ERN2: variants seen among roughly 807,000 people sequenced by gnomAD.
ERN2 encodes serine/threonine-protein kinase/endoribonuclease IRE2.
A neutral mutation model predicts 107.9 loss-of-function variants in ERN2; 111 were observed. That is an observed-to-expected ratio of 1.03 (90% CI 0.88 to 1.20). The LOEUF is 1.20. Ranked by LOEUF, ERN2 falls within the 50% of genes most tolerant of loss-of-function variation. The pLI, the probability that ERN2 is intolerant of heterozygous loss-of-function variation, is 0.00. For missense variants in ERN2, 1,225 were observed against 1,197.9 expected (o/e 1.02, Z -0.33); for synonymous variants, 524 against 501.7 (o/e 1.04, Z -0.59).
In ERN2 at chr16:23,694,843, C is replaced by T; in HGVS notation, c.1985G>A (p.Gly662Asp). The change falls in exon 17 of 22, where the codon GGC (glycine) becomes GAC (aspartate). Residue 662 changes from glycine to aspartate, a missense_variant. Gly to Asp is a moderately conservative substitution (Grantham distance 94, BLOSUM62 -1). Transcript: ENST00000256797. ...GCCAGCAGGCAGCTTCTTGCAGAGGCCGAAGTCTGAGAGCACCACTCTGCC... is the reference window on the plus strand; with the variant it reads ...GCCAGCAGGCAGCTTCTTGCAGAGGTCGAAGTCTGAGAGCACCACTCTGCC... ...GLGRVVLSDFGLCKKLPAGRC... is the reference protein window; with the variant it reads ...GLGRVVLSDFDLCKKLPAGRC... The T allele has an allele frequency of 6.2e-7, 1 of 1,614,146 alleles. No individual in the cohort carries two copies. Among genetic ancestry groups the T allele is most frequent in the East Asian group, 2.2e-5 (1 of 44,882 alleles).
chr16:23,699,165 C>G (rs1045637128), intron 13 of ERN2, among the ~76,000 whole-genome samples: 1 of 152,126 alleles, frequency 6.6e-6, no homozygotes, highest in Non-Finnish European at 1.5e-5. Flanking sequence ...GCAGGGCCCT[C>G]TAAAAGAGCT....
intron 17 of ERN2, 34 bp from the exon 18 acceptor site, chr16:23,692,365 C>T: frequency 1.9e-6 from 3 of 1,605,058 alleles, no homozygotes; most frequent in Non-Finnish European, 2.5e-6. Flanking sequence ...AGAAGGAAAT[C>T]TCTGCTTCCA....
At chr16:23,698,415 C>G (rs1278219526) in intron 13 of ERN2, among the ~76,000 whole-genome samples, 1 of 152,182 alleles carries the variant, frequency 6.6e-6, no homozygotes, top group Non-Finnish European at 1.5e-5. Flanking sequence ...AGAACACTGC[C>G]TGGTATAGCC....
rs116672391 is a variant in ERN2 at position 23,699,191 on chromosome 16, G to A, written c.1525+1348C>T. 1.3e-3 allele frequency among the ~76,000 whole-genome samples: 193 copies of A among 152,262 alleles called. 2 individuals carry two copies. Among genetic ancestry groups the A allele is most frequent in the African/African-American group, 3.4e-3 (143 of 41,536 alleles). ...TAAAAGAGCTGACCCCTGAGGAAGG[G>A]GAGCTGTTTTCCTCTGGGCTAAGGC... On this transcript the variant is annotated intron_variant, in intron 13 of 21. Coordinates refer to ENST00000256797, the MANE Select transcript of ERN2 (RefSeq NM_033266.4).
At chr16:23,694,650 G>A in intron 17 of ERN2, 78 bp downstream of exon 17, 1 of 1,249,124 alleles carries the variant, frequency 8.0e-7, no homozygotes, top group East Asian at 2.5e-5. Context: ...AGTCTCCTCA[G>A]GAGGGGAACT....
rs1960234625 is a variant in ERN2, at chr16:23,704,916, G to T, written c.821C>A (p.Ala274Asp). The change falls in exon 8 of 22, where the codon GCC (alanine) becomes GAC (aspartate). Residue 274 changes from alanine to aspartate, a missense_variant. Ala to Asp is a moderately radical substitution (Grantham distance 126). Transcript: ENST00000256797. ...GGTGTCCAAGGTAGAGAAGAGGGTG[G>T]CTGTGTCCCGGGGGCCTGAGGCAGG... ...RLPASGPRDT[A>D]TLFSTLDTQL... The T allele has an allele frequency of 1.2e-6, 2 of 1,612,590 alleles. No homozygotes were observed. The highest frequency in any genetic ancestry group is 1.7e-6 in the Non-Finnish European group (2 of 1,180,038).
chr16:23,713,182 C>G lies in ERN2; in HGVS notation c.6G>C (p.Ala2=). Reference sequence around the variant, plus strand: ...ACGGCCTCGACCCCCTGACCGCACTCGCCATAGCGCCTGGGCAGCTGCACG... The same window carrying G: ...ACGGCCTCGACCCCCTGACCGCACTGGCCATAGCGCCTGGGCAGCTGCACG... M[A]SAVRGSRPWP... The change falls in exon 1 of 22, where the codon GCG becomes GCC. Residue 2 remains alanine (A), a synonymous_variant. Transcript: ENST00000256797. The G allele has an allele frequency of 6.3e-7, 1 of 1,577,724 alleles. No homozygotes were observed. Among genetic ancestry groups the G allele is most frequent in the Non-Finnish European group, 8.6e-7 (1 of 1,168,300 alleles).
rs1012585929 is a variant in ERN2, at chr16:23,690,748, C to T, written c.*83G>A. 56 of 797,452 alleles carry T rather than the reference C, an allele frequency of 7.0e-5. No individual in the cohort carries two copies. The highest frequency in any genetic ancestry group is 8.3e-5 in the Non-Finnish European group (47 of 565,228). The allele number at this position is 797,452 out of a possible 1,614,324, so 49.4% of individuals were successfully genotyped here. On this transcript the variant is annotated 3_prime_UTR_variant, in exon 22 of 22. Transcript: ENST00000256797. The stretch of plus-strand genomic sequence containing the variant: ...GGGATTACAGGTGTGAGCCACTGCA[C>T]CCAGCCTGATTCTGAGGCCAGCCAC...
chr16:23,690,503 G>T lies in ERN2; in HGVS notation c.*328C>A. On this transcript the variant is annotated 3_prime_UTR_variant, in exon 22 of 22. Transcript: ENST00000256797. Reference sequence around the variant, plus strand: ...ACAGTGTCTCTCTGTGGACCAGGCTGGAGTGCAGTGGCATGATCCTGGCTC... The same window carrying T: ...ACAGTGTCTCTCTGTGGACCAGGCTTGAGTGCAGTGGCATGATCCTGGCTC... 2.1e-6 allele frequency: 1 copy of T among 471,376 alleles called. No individual in the cohort carries two copies. The highest frequency in any genetic ancestry group is 3.9e-6 in the Non-Finnish European group (1 of 256,318). The allele number at this position is 471,376 out of a possible 1,614,324, so 29.2% of individuals were successfully genotyped here. A position where few individuals can be genotyped will look rare whatever the true frequency, so the allele number is the denominator to read the frequency against.
intron 6 of ERN2, 35 bp from the exon 7 acceptor site, chr16:23,706,466 C>T: frequency 6.8e-7 from 1 of 1,460,768 alleles, no homozygotes; most frequent in Non-Finnish European, 9.4e-7. Flanking sequence ...CCAGGAACGT[C>T]CATTTGATGC....
intron 4 of ERN2, chr16:23,709,280 T>G: frequency 2.6e-6 from 1 of 385,188 alleles, no homozygotes; most frequent in South Asian, 1.8e-5. Context: ...CCTGGACACA[T>G]AATGAGATGC....
rs769200269 is a variant in ERN2 at position 23,695,354 on chromosome 16, C to T, written c.1646G>A (p.Arg549Gln). 3.7e-6 allele frequency: 6 copies of T among 1,607,292 alleles called. No homozygotes were observed. The highest frequency in any genetic ancestry group is 5.1e-6 in the Non-Finnish European group (6 of 1,177,084). The change falls in exon 15 of 22, where the codon CGG (arginine) becomes CAG (glutamine). Residue 549 changes from arginine to glutamine, a missense_variant. Arg to Gln is a conservative substitution (Grantham distance 43, BLOSUM62 1). Transcript: ENST00000256797. ...CAGGCCAAAGCACTCGCGGAGGAGC[C>T]GCTTGACAGCCACTGCCCGTCCCTC... is the stretch of plus-strand genomic sequence containing the variant. ...QFEGRAVAVK[R>Q]LLRECFGLVR... is the part of the protein sequence containing the mutation.
At position 23,706,813 on chromosome 16, in the gene ERN2, G is replaced by A. The variant is rs1291718414; in HGVS notation, c.428C>T (p.Thr143Ile). 2 of 1,613,736 alleles carry A rather than the reference G, an allele frequency of 1.2e-6. No individual in the cohort carries two copies. Among genetic ancestry groups the A allele is most frequent in the Middle Eastern group, 1.6e-4 (1 of 6,070 alleles). ...WFVVDPESGETQMTLTTEGPS... is the reference protein window; with the variant it reads ...WFVVDPESGEIQMTLTTEGPS... Reference sequence around the variant, plus strand: ...ACCCTCTGTGGTCAGTGTCATCTGGGTCTCCCCTGACTCAGGGTCCACCAC... The same window carrying A: ...ACCCTCTGTGGTCAGTGTCATCTGGATCTCCCCTGACTCAGGGTCCACCAC... Residue 143 changes from threonine (T) to isoleucine (I), a missense_variant, in exon 6 of 22, where the codon ACC (threonine) becomes ATC (isoleucine). By Grantham distance (89) the Thr-to-Ile change is moderately conservative (BLOSUM62 -1). Transcript: ENST00000256797.
At position 23,692,169 on chromosome 16, in the gene ERN2, C is replaced by G. The variant is rs1959624448; in HGVS notation, c.2248+15G>C. ...GCCCGTCCTCCCTTCTCTGCCCTGC[C>G]CAGGGCTCCCTCACCGTGGACCTCT... On this transcript the variant is annotated intron_variant, in intron 18 of 21. Coordinates refer to ENST00000256797, the MANE Select transcript of ERN2 (RefSeq NM_033266.4). 6.2e-7 allele frequency: 1 copy of G among 1,613,990 alleles called. No individual in the cohort carries two copies. Among genetic ancestry groups the G allele is most frequent in the Non-Finnish European group, 8.5e-7 (1 of 1,179,984 alleles).
In ERN2 at chr16:23,695,927, A is replaced by G. The variant is rs766621446; in HGVS notation, c.1577T>C (p.Leu526Pro). Residue 526 changes from leucine to proline, a missense_variant, in exon 14 of 22, where the codon CTG (leucine) becomes CCG (proline). Leu to Pro is a moderately conservative substitution (Grantham distance 98). Transcript: ENST00000256797. ...GKISFNPKDV[L>P]GRGAGGTFVF... is the part of the protein sequence containing the mutation. ...GAAAGTCCCGCCTGCCCCGCGGCCC[A>G]GCACGTCCTTGGGATTGAAGGAAAT... 5 of 1,614,196 alleles carry G rather than the reference A, an allele frequency of 3.1e-6. No homozygotes were observed. The highest frequency in any genetic ancestry group is 3.4e-6 in the Non-Finnish European group (4 of 1,180,024).
intron 13 of ERN2, 138 bp downstream of exon 13, chr16:23,700,401 C>T: frequency 1.3e-6 from 1 of 795,010 alleles, no homozygotes; most frequent in South Asian, 1.8e-5. Flanking sequence ...GTAGCAGGCT[C>T]TACTCAAAAC....
rs543225359 is a variant in ERN2 at position 23,695,064 on chromosome 16, G to A, written c.1855C>T (p.Gln619Ter). The A allele has an allele frequency of 8.7e-6, 14 of 1,613,852 alleles. No homozygotes were observed. In the East Asian group the frequency reaches 3.1e-4, roughly 36 times the overall value. ...RGGLEPEVVL[Q>*]QLMSGLAHLH... The stretch of plus-strand genomic sequence containing the variant: ...TGGGCCAGGCCAGACATCAGCTGCT[G>A]CAGCACGACCTCGGGCTCCAGACCC... Residue 619 changes from glutamine (Q) to a stop codon, truncating the protein, a stop_gained, in exon 16 of 22, where the codon CAG becomes TAG. Coordinates refer to ENST00000256797, the MANE Select transcript of ERN2 (RefSeq NM_033266.4). LOFTEE classifies it high-confidence loss of function.
intron 19 of ERN2, 129 bp downstream of exon 19, chr16:23,691,834 G>C: frequency 7.6e-7 from 1 of 1,315,968 alleles, no homozygotes. Flanking sequence ...CCAGTTTAGG[G>C]AAAGAGCCAG....
Position 23,700,686 on chromosome 16 carries a change from C to A in ERN2, c.1378G>T (p.Glu460Ter). 1.2e-6 allele frequency: 2 copies of A among 1,613,242 alleles called. No homozygotes were observed. Among genetic ancestry groups the A allele is most frequent in the African/African-American group, 1.3e-5 (1 of 75,014 alleles). The change falls in exon 13 of 22, where the codon GAG becomes TAG. Residue 460 changes from glutamate to a stop codon, truncating the protein, a stop_gained. Coordinates refer to ENST00000256797, the MANE Select transcript of ERN2 (RefSeq NM_033266.4). LOFTEE classifies it high-confidence loss of function. The stretch of plus-strand genomic sequence containing the variant: ...GCCAGGGGGGTCTCCTGCTGCTTCT[C>A]CACCACCTGCGGCTGTTGCTGTAAC... ...VMRQQQPQVV[E>*]KQQETPLAPA...
Sources: gnomAD v4.1 joint callset for allele counts (sites outside exome capture counted in the v4.1 genomes callset) on GRCh38, gnomAD v4.1.1 for gene constraint, MANE v1.5 for transcripts, NCBI Gene and HGNC (gene_info 2026-07-23, HGNC 2026-07-21) for gene names.